FRMD7: variants seen among roughly 807,000 people sequenced by gnomAD.
The protein encoded by FRMD7 is FERM domain-containing protein 7.
A neutral mutation model predicts 44.1 loss-of-function variants in FRMD7; 14 were observed. That is an observed-to-expected ratio of 0.32 (90% confidence interval 0.21 to 0.50). The LOEUF is 0.50. Among genes scored for constraint, FRMD7 ranks in the 20% least tolerant of loss-of-function variants. The pLI, the probability that FRMD7 is intolerant of heterozygous loss-of-function variation, is 0.99. For missense variants in FRMD7, 501 were observed against 522.3 expected, an observed-to-expected ratio of 0.96 and a Z score of 0.40; for synonymous variants, 212 against 187.4, an observed-to-expected ratio of 1.13 and a Z score of -1.07.
At position 132,123,670 on chromosome X, in the gene FRMD7, CCT is replaced by C. The variant is rs960261533; in HGVS notation, c.57+4116_57+4117del. Among the ~76,000 whole-genome samples the C allele has an allele frequency of 2.7e-5, 3 of 112,484 alleles. No homozygotes were observed. In the East Asian group the frequency reaches 8.4e-4, roughly 32 times the overall value. ...TGAACAGTGTTCGGTCCTGGCACTG[CCT>C]CTCTGTCTCTTTCCAAAAATGAGGC... On this transcript the variant is annotated intron_variant, in intron 1 of 11. Transcript: ENST00000298542.
At chrX:132,079,152 G>A (rs1307659599) in intron 11 of FRMD7, among the ~76,000 whole-genome samples, 186 bp from the exon 12 acceptor site, 1 of 112,399 alleles carries the variant, frequency 8.9e-6, no homozygotes, top group Non-Finnish European at 1.9e-5. Flanking sequence ...ACATCACAGT[G>A]CATGTGTTAA....
intron 3 of FRMD7, among the ~76,000 whole-genome samples, chrX:132,097,797 C>T (rs1194133865): frequency 1.8e-5 from 2 of 112,469 alleles, no homozygotes; most frequent in African/African-American, 6.4e-5. Context: ...ACTGATACCT[C>T]TATCTTATAC....
chrX:132,122,935 G>T (rs1032205258), intron 1 of FRMD7, among the ~76,000 whole-genome samples: 4 of 111,684 alleles, frequency 3.6e-5, no homozygotes, highest in East Asian at 2.8e-4. Flanking sequence ...TGCCTGAAAG[G>T]TCTAGCTGCC....
rs762724788 is a variant in FRMD7, at chrX:132,118,588, G to A, written c.57+9200C>T. Among the ~76,000 whole-genome samples, 24 of 111,286 alleles carry A rather than the reference G, an allele frequency of 2.2e-4. No homozygotes were observed. In the South Asian group the frequency reaches 8.1e-3, roughly 37 times the overall value. On this transcript the variant is annotated intron_variant, in intron 1 of 11. Coordinates refer to ENST00000298542, the MANE Select transcript of FRMD7 (RefSeq NM_194277.3). ...GCGCATGTGGGCATGCTCAGACAAG[G>A]CACTGGGCAGGTTCCCCCATCTGCA...
chrX:132,106,766 C>T (rs148753420), intron 1 of FRMD7, among the ~76,000 whole-genome samples: 33 of 111,707 alleles, frequency 3.0e-4, no homozygotes, highest in African/African-American at 8.8e-4. Flanking sequence ...CGAGCTAAAG[C>T]GGGAACAAAA....
chrX:132,085,590 C>G lies in FRMD7; in HGVS notation c.636G>C (p.Leu212=). The G allele has an allele frequency of 8.3e-7, 1 of 1,210,851 alleles. No individual in the cohort carries two copies. The highest frequency in any genetic ancestry group is 3.0e-5 in the East Asian group (1 of 33,838). The change falls in exon 7 of 12, where the codon CTG becomes CTC. Residue 212 remains leucine, a synonymous_variant. Coordinates refer to ENST00000298542, the MANE Select transcript of FRMD7 (RefSeq NM_194277.3). ...IHLAVAHMGV[L]VLRGNTKINT... ...AGGAAAGAGATTTTACCCGTAACAC[C>G]AGTACTCCCATGTGAGCAACAGCCA...
intron 1 of FRMD7, among the ~76,000 whole-genome samples, chrX:132,118,374 C>A (rs1337109687): frequency 9.2e-6 from 1 of 109,011 alleles, no homozygotes; most frequent in African/African-American, 3.4e-5. Context: ...CACGCAGACG[C>A]ATTGAAGAGT....
rs1482242891 is a variant in FRMD7, at chrX:132,096,728, A to G, written c.284+538T>C. Among the ~76,000 whole-genome samples, 6 of 109,530 alleles carry G rather than the reference A, an allele frequency of 5.5e-5. No homozygotes were observed. The Admixed American group carries it at 5.9e-4, about 11-fold the overall frequency. ...CAAGACCCTGTCTCAAAAAAAAAAA[A>G]AAAAAAAAGTGTAAGTCTAGAAAGT... is the stretch of plus-strand genomic sequence containing the variant. On this transcript the variant is annotated intron_variant, in intron 4 of 11. Coordinates refer to ENST00000298542, the MANE Select transcript of FRMD7 (RefSeq NM_194277.3).
At chrX:132,097,402 TAC>T (rs762194321) in intron 3 of FRMD7, 58 bp from the exon 4 acceptor site, 62,902 of 451,876 alleles carry the variant, frequency 0.14, 23 homozygotes, top group East Asian at 0.25. Flanking sequence ...CAGTTATAGG[TAC>T]ACACACACAC....
intron 1 of FRMD7, among the ~76,000 whole-genome samples, chrX:132,105,965 C>T (rs1354619377): frequency 8.9e-6 from 1 of 111,807 alleles, no homozygotes. Flanking sequence ...GATTTCATGA[C>T]AAAGACACCA....
At chrX:132,084,916 G>A (rs1264041023) in intron 7 of FRMD7, among the ~76,000 whole-genome samples, 6 of 111,655 alleles carry the variant, frequency 5.4e-5, no homozygotes, top group Admixed American at 4.8e-4. Flanking sequence ...TAAAAACAAT[G>A]TCCTCTTTCT....
At chrX:132,118,596 C>G (rs1367751727) in intron 1 of FRMD7, among the ~76,000 whole-genome samples, 2 of 111,281 alleles carry the variant, frequency 1.8e-5, no homozygotes, top group Non-Finnish European at 3.8e-5. Context: ...AGGCACTGGG[C>G]AGGTTCCCCC....
chrX:132,097,434 C>T (rs1455519829), intron 3 of FRMD7, 90 bp from the exon 4 acceptor site: 1 of 586,072 alleles, frequency 1.7e-6, no homozygotes, highest in African/African-American at 2.2e-5. Context: ...CACACCCACA[C>T]ACACACCGCT....
chrX:132,096,737 G>A (rs2124246256), intron 4 of FRMD7, among the ~76,000 whole-genome samples: 1 of 104,732 alleles, frequency 9.5e-6, no homozygotes, highest in East Asian at 3.0e-4. Flanking sequence ...AAAAAAAAAA[G>A]TGTAAGTCTA....
chrX:132,115,581 A>G (rs775244002), intron 1 of FRMD7, among the ~76,000 whole-genome samples: 20 of 112,078 alleles, frequency 1.8e-4, no homozygotes, highest in African/African-American at 6.1e-4. Context: ...GGGAAACTAC[A>G]TCCCAAGGGA....
intron 1 of FRMD7, among the ~76,000 whole-genome samples, chrX:132,114,411 A>G (rs1210702029): frequency 9.0e-6 from 1 of 111,683 alleles, no homozygotes; most frequent in Non-Finnish European, 1.9e-5. Context: ...TTAGGGGTCC[A>G]TTAAAGAAGT....
chrX:132,106,160 A>C (rs747716969), intron 1 of FRMD7, among the ~76,000 whole-genome samples: 2 of 112,245 alleles, frequency 1.8e-5, no homozygotes, highest in African/African-American at 6.5e-5. Flanking sequence ...ACACAAATTT[A>C]CAAGAGAAAA....
At chrX:132,125,057 T>C (rs187871865) in intron 1 of FRMD7, among the ~76,000 whole-genome samples, 31 of 111,859 alleles carry the variant, frequency 2.8e-4, no homozygotes, top group African/African-American at 1.0e-3. Context: ...ATTTGGCATA[T>C]AAATGATGAG....
At chrX:132,086,628 C>G (rs1927999500) in intron 5 of FRMD7, among the ~76,000 whole-genome samples, 1 of 106,407 alleles carries the variant, frequency 9.4e-6, no homozygotes, top group Admixed American at 1.0e-4. Context: ...AACAAGAAGG[C>G]AGCCATCTGC....
Sources: allele counts gnomAD v4.1 joint callset (sites outside exome capture counted in the v4.1 genomes callset), GRCh38; gene constraint gnomAD v4.1.1; transcripts MANE v1.5; gene names NCBI Gene and HGNC (gene_info 2026-07-23, HGNC 2026-07-21).